The following BTRC variants were observed in gnomAD, a reference collection of about 807,000 sequenced individuals.
The protein encoded by BTRC is F-box/WD repeat-containing protein 1A.
In BTRC, 42 loss-of-function variants were observed where a neutral mutation model predicts 85.5. That is an observed-to-expected ratio of 0.49 (90% confidence interval 0.38 to 0.64). The LOEUF is 0.64. BTRC is among the 30% of genes least tolerant of loss of function. The pLI is 0.00. For missense variants in BTRC, 594 were observed against 743.5 expected, an observed-to-expected ratio of 0.80 and a Z score of 2.34; for synonymous variants, 255 against 263.3, an observed-to-expected ratio of 0.97 and a Z score of 0.30.
intron 1 of BTRC, among the ~76,000 whole-genome samples, chr10:101,397,515 C>T (rs1943393920): frequency 1.3e-5 from 2 of 152,132 alleles, no homozygotes; most frequent in South Asian, 4.1e-4. Context: ...TGTGTTTCAA[C>T]TCAATTTTAT....
chr10:101,488,327 T>C (rs1946042542), intron 4 of BTRC, among the ~76,000 whole-genome samples: 1 of 152,230 alleles, frequency 6.6e-6, no homozygotes, highest in African/African-American at 2.4e-5. Flanking sequence ...GTTTTTCTAT[T>C]ACCTGTGCTA....
chr10:101,477,481 T>C (rs538741604), intron 3 of BTRC, among the ~76,000 whole-genome samples: 3 of 152,314 alleles, frequency 2.0e-5, no homozygotes, highest in Non-Finnish European at 4.4e-5. Context: ...TACCAATGTT[T>C]TGTTTTGTTT....
At position 101,532,323 on chromosome 10, in the gene BTRC, G is replaced by T; in HGVS notation, c.869G>T (p.Arg290Ile). The change falls in exon 8 of 15, where the codon AGA (arginine) becomes ATA (isoleucine). Residue 290 changes from arginine (R) to isoleucine (I), a missense_variant. This residue lies in a region of BTRC where 373 missense variants were observed against 503.6 expected (regional missense o/e 0.74). Transcript: ENST00000370187. ...ETIESNWRCG[R>I]HSLQRIHCRS... Reference sequence around the variant, plus strand: ...ATAGAATCTAATTGGAGATGTGGAAGACATAGTTTACAGAGAATTCACTGC... The same window carrying T: ...ATAGAATCTAATTGGAGATGTGGAATACATAGTTTACAGAGAATTCACTGC... The T allele has an allele frequency of 6.2e-7, 1 of 1,613,218 alleles. No homozygotes were observed. The highest frequency in any genetic ancestry group is 8.5e-7 in the Non-Finnish European group (1 of 1,179,724).
intron 1 of BTRC, among the ~76,000 whole-genome samples, chr10:101,379,056 A>G (rs768284128): frequency 1.3e-5 from 2 of 152,238 alleles, no homozygotes; most frequent in Middle Eastern, 3.2e-3. Flanking sequence ...TAAATTTCAC[A>G]TAATTTAAAA....
rs574039139 is a variant in BTRC, at chr10:101,517,030, A to C, written c.325-4609A>C. On this transcript the variant is annotated intron_variant, in intron 4 of 14. Transcript: ENST00000370187. ...AAGCTTATAAGCCTGCCTGTGTGTT[A>C]GTTCTCTAAATCTTCACATTTCATG... Among the ~76,000 whole-genome samples, 216 of 152,306 alleles carry C rather than the reference A, an allele frequency of 1.4e-3. 1 individual carries two copies. The highest frequency in any genetic ancestry group is 2.2e-3 in the Non-Finnish European group (152 of 68,034).
rs1282138059 is a variant in BTRC, at chr10:101,554,002, C to T, written c.*879C>T. On this transcript the variant is annotated 3_prime_UTR_variant, in exon 15 of 15. Coordinates refer to ENST00000370187, the MANE Select transcript of BTRC (RefSeq NM_033637.4). ...AGACATGATACTCTCATCATATTTG[C>T]AACTCTTCTCTCTCTTTCTTCCCCA... 1 of 152,154 alleles carries T rather than the reference C, an allele frequency of 6.6e-6. No individual in the cohort carries two copies. The highest frequency in any genetic ancestry group is 1.5e-5 in the Non-Finnish European group (1 of 68,026). 9.4% of individuals were successfully genotyped at this position (152,154 alleles called of 1,614,324 possible).
intron 12 of BTRC, among the ~76,000 whole-genome samples, chr10:101,537,301 G>T (rs1017627973): frequency 6.6e-6 from 1 of 152,194 alleles, no homozygotes; most frequent in African/African-American, 2.4e-5. Flanking sequence ...ACCGAGACAG[G>T]TGGATCATTT....
chr10:101,521,233 C>G (rs2062099783), intron 4 of BTRC, among the ~76,000 whole-genome samples: 1 of 152,278 alleles, frequency 6.6e-6, no homozygotes, highest in Admixed American at 6.5e-5. Context: ...ATGATCTCAC[C>G]ACTGCACTCC....
intron 4 of BTRC, among the ~76,000 whole-genome samples, chr10:101,504,185 C>T (rs1286776907): frequency 6.6e-6 from 1 of 152,170 alleles, no homozygotes; most frequent in African/African-American, 2.4e-5. Context: ...GAGGAAGTTA[C>T]ACAGAAAGAA....
intron 1 of BTRC, among the ~76,000 whole-genome samples, chr10:101,390,706 A>T (rs1292432762): frequency 5.3e-5 from 8 of 151,170 alleles, no homozygotes; most frequent in Non-Finnish European, 1.0e-4. Context: ...AGTACAAAAT[A>T]AAAAAAAAGC....
At chr10:101,389,530 C>T (rs1943182865) in intron 1 of BTRC, among the ~76,000 whole-genome samples, 1 of 151,756 alleles carries the variant, frequency 6.6e-6, no homozygotes, top group Non-Finnish European at 1.5e-5. Context: ...GGTCCTTTCC[C>T]ACCTATGTCT....
intron 13 of BTRC, among the ~76,000 whole-genome samples, chr10:101,547,937 T>A (rs1269654726): frequency 6.6e-6 from 1 of 152,132 alleles, no homozygotes; most frequent in Non-Finnish European, 1.5e-5. Flanking sequence ...AGTAAAAGCA[T>A]TTGACAAAAT....
In BTRC at chr10:101,453,017, T is replaced by A. The variant is rs193015135; in HGVS notation, c.157-8964T>A. Among the ~76,000 whole-genome samples, 548 of 152,312 alleles carry A rather than the reference T, an allele frequency of 3.6e-3. 1 individual carries two copies. Among genetic ancestry groups the A allele is most frequent in the Middle Eastern group, 0.017 (5 of 294 alleles). ...TAAACACACACACAGTGTTTTTTTT[T>A]AATGTCACCTTTCATACAAGAGTTT... On this transcript the variant is annotated intron_variant, in intron 2 of 14. Transcript: ENST00000370187.
chr10:101,393,926 C>G (rs1488326894), intron 1 of BTRC, among the ~76,000 whole-genome samples: 8 of 152,188 alleles, frequency 5.3e-5, no homozygotes, highest in Non-Finnish European at 7.4e-5. Context: ...GAAAACTAAT[C>G]TTTCAAACAA....
intron 2 of BTRC, among the ~76,000 whole-genome samples, chr10:101,450,067 T>A (rs574185839): frequency 6.6e-6 from 1 of 151,974 alleles, no homozygotes; most frequent in Non-Finnish European, 1.5e-5. Flanking sequence ...AATTAAGGCT[T>A]TAGAGCCAAA....
chr10:101,497,061 A>C (rs1226524819), intron 4 of BTRC, among the ~76,000 whole-genome samples: 1 of 152,126 alleles, frequency 6.6e-6, no homozygotes, highest in Non-Finnish European at 1.5e-5. Flanking sequence ...TTTACATTTC[A>C]TGTTTAATTC....
At chr10:101,462,207 AGGTGAC>A (rs1945245626) in intron 3 of BTRC, 149 bp downstream of exon 3, 10 of 598,698 alleles carry the variant, frequency 1.7e-5, no homozygotes, top group Non-Finnish European at 1.8e-5. Context: ...ACTTTCAATC[AGGTGAC>A]ATGGTTTTCC....
At chr10:101,500,404 A>G (rs1946372985) in intron 4 of BTRC, among the ~76,000 whole-genome samples, 1 of 152,196 alleles carries the variant, frequency 6.6e-6, no homozygotes, top group African/African-American at 2.4e-5. Flanking sequence ...ATTGACTAAA[A>G]TATCATCACA....
At chr10:101,545,115 A>G (rs980820984) in intron 13 of BTRC, among the ~76,000 whole-genome samples, 14 of 151,366 alleles carry the variant, frequency 9.2e-5, no homozygotes, top group African/African-American at 3.4e-4. Flanking sequence ...ATGTCATTCC[A>G]TTTTCTTCTG....
Sources: gnomAD v4.1 joint callset for allele counts (sites outside exome capture counted in the v4.1 genomes callset) on GRCh38, gnomAD v4.1.1 for gene constraint, gnomAD v4.1.1 regional missense constraint, MANE v1.5 for transcripts, NCBI Gene and HGNC (gene_info 2026-07-23, HGNC 2026-07-21) for gene names.